The following ZFPM2 variants were observed in gnomAD, a reference collection of about 807,000 sequenced individuals.
The protein encoded by ZFPM2 is zinc finger protein, FOG family member 2, also known as zinc finger protein ZFPM2.
In ZFPM2, 20 loss-of-function variants were observed where a neutral mutation model predicts 98.6. That is an observed-to-expected ratio of 0.20 (90% CI 0.14 to 0.29). The LOEUF is 0.29. Among genes scored for constraint, ZFPM2 ranks in the 10% least tolerant of loss-of-function variants. The pLI is 1.00. For synonymous variants in ZFPM2, 518 were observed against 502.7 expected (o/e 1.03, Z -0.41); for missense variants, 1,310 against 1,388.6 (o/e 0.94, Z 0.90).
intron 4 of ZFPM2, among the ~76,000 whole-genome samples, chr8:105,573,946 C>T (rs374950337): frequency 6.6e-6 from 1 of 152,242 alleles, no homozygotes; most frequent in East Asian, 1.9e-4. Flanking sequence ...TATACCAGCC[C>T]TACAACATAG....
chr8:105,487,946 C>T (rs1586408891), intron 3 of ZFPM2, among the ~76,000 whole-genome samples: 1 of 141,224 alleles, frequency 7.1e-6, no homozygotes, highest in Admixed American at 6.9e-5. Context: ...AGCTAGCTAG[C>T]TAGCTATCTG....
intron 3 of ZFPM2, among the ~76,000 whole-genome samples, chr8:105,554,963 G>T (rs1303894186): frequency 6.6e-6 from 1 of 152,020 alleles, no homozygotes; most frequent in Non-Finnish European, 1.5e-5. Flanking sequence ...ATATTTGAGG[G>T]TGTCTCTGGT....
At chr8:105,581,477 T>TA (rs147543128) in intron 4 of ZFPM2, among the ~76,000 whole-genome samples, 34,106 of 152,058 alleles carry the variant, frequency 0.22, 4,908 homozygotes, top group African/African-American at 0.41. Context: ...TGATAGAGAT[T>TA]AATTTATCAG....
intron 5 of ZFPM2, among the ~76,000 whole-genome samples, chr8:105,761,077 G>A (rs1370827654): frequency 6.6e-6 from 1 of 151,984 alleles, no homozygotes; most frequent in African/African-American, 2.4e-5. Flanking sequence ...ACTTAAAAAT[G>A]TACTAAGCTG....
At chr8:105,552,700 G>A (rs1246327712) in intron 3 of ZFPM2, among the ~76,000 whole-genome samples, 1 of 151,814 alleles carries the variant, frequency 6.6e-6, no homozygotes, top group Non-Finnish European at 1.5e-5. Flanking sequence ...GCAGAATATG[G>A]CAATTTCTTT....
intron 4 of ZFPM2, among the ~76,000 whole-genome samples, chr8:105,615,428 C>T (rs186009941): frequency 1.8e-3 from 268 of 152,152 alleles, no homozygotes; most frequent in Middle Eastern, 6.8e-3. Context: ...TGTGAATTAG[C>T]GACAGTGTTT....
At chr8:105,342,335 A>G (rs972732637) in intron 1 of ZFPM2, among the ~76,000 whole-genome samples, 2 of 152,166 alleles carry the variant, frequency 1.3e-5, no homozygotes, top group South Asian at 2.1e-4. Context: ...AGGTATTGTC[A>G]TATTCTCATA....
intron 1 of ZFPM2, among the ~76,000 whole-genome samples, chr8:105,389,851 G>A (rs939463014): frequency 3.9e-5 from 6 of 152,136 alleles, no homozygotes; most frequent in African/African-American, 1.4e-4. Flanking sequence ...GAAAAAGGAA[G>A]CGCAGTTATT....
chr8:105,544,125 A>C (rs1044420001), intron 3 of ZFPM2, among the ~76,000 whole-genome samples: 3 of 152,172 alleles, frequency 2.0e-5, no homozygotes, highest in Non-Finnish European at 4.4e-5. Flanking sequence ...CAAATTAGTA[A>C]AATGCTGAAA....
chr8:105,434,192 A>AT lies in ZFPM2; in HGVS notation c.200-10075dup, dbSNP rs879458368. ...TCTTTTCAAACAGTTGAAATTCTTAATTTTTTTTTTTTTAGGTATTGCCAT... is the reference window on the plus strand; with the variant it reads ...TCTTTTCAAACAGTTGAAATTCTTAATTTTTTTTTTTTTTAGGTATTGCCAT... On this transcript the variant is annotated intron_variant, in intron 2 of 7. Coordinates refer to ENST00000407775, the MANE Select transcript of ZFPM2 (RefSeq NM_012082.4). 6.7e-3 allele frequency among the ~76,000 whole-genome samples: 977 copies of AT among 145,942 alleles called. 6 individuals carry two copies. Among genetic ancestry groups the AT allele is most frequent in the African/African-American group, 0.021 (854 of 40,046 alleles).
rs750723584 is a variant in ZFPM2 at position 105,802,396 on chromosome 8, T to G, written c.2314T>G (p.Ser772Ala). Residue 772 changes from serine (S) to alanine (A), a missense_variant, in exon 8 of 8, where the codon TCC (serine) becomes GCC (alanine). By Grantham distance (99) the Ser-to-Ala change is moderately conservative (BLOSUM62 1). Coordinates refer to ENST00000407775, the MANE Select transcript of ZFPM2 (RefSeq NM_012082.4). ...AGCCAACCTCAATAATCCTTGTACC[T>G]CCACTCAAGAACCCACAGAAGGGCT... is the stretch of plus-strand genomic sequence containing the variant. ...DVANLNNPCT[S>A]TQEPTEGLGE... The G allele has an allele frequency of 6.2e-7, 1 of 1,613,608 alleles. No individual in the cohort carries two copies. The highest frequency in any genetic ancestry group is 8.5e-7 in the Non-Finnish European group (1 of 1,179,866).
At chr8:105,404,600 G>C (rs917928671) in intron 1 of ZFPM2, among the ~76,000 whole-genome samples, 1 of 152,018 alleles carries the variant, frequency 6.6e-6, no homozygotes, top group African/African-American at 2.4e-5. Flanking sequence ...ATGTTAAATA[G>C]TCAATTAACT....
chr8:105,397,661 A>G (rs1383676547), intron 1 of ZFPM2, among the ~76,000 whole-genome samples: 1 of 152,206 alleles, frequency 6.6e-6, no homozygotes, highest in Non-Finnish European at 1.5e-5. Flanking sequence ...ATATTGTTTC[A>G]TAAGAGTAAA....
At chr8:105,443,329 A>AAAAC (rs1812300620) in intron 2 of ZFPM2, among the ~76,000 whole-genome samples, 2 of 144,896 alleles carry the variant, frequency 1.4e-5, no homozygotes, top group African/African-American at 5.7e-5. Flanking sequence ...CAAAAAACAA[A>AAAAC]AAAAAAAAAA....
At position 105,560,573 on chromosome 8, in the gene ZFPM2, CG is replaced by C. The variant is rs1214488937; in HGVS notation, c.302-789del. On this transcript the variant is annotated intron_variant, in intron 3 of 7. Transcript: ENST00000407775. ...CCCAAACAACATTTAAGCTATTGGC[CG>C]TTTTTTTTTTTTTTGAAATTTTGAG... is the stretch of plus-strand genomic sequence containing the variant. Among the ~76,000 whole-genome samples, 28 of 126,026 alleles carry C rather than the reference CG, an allele frequency of 2.2e-4. No homozygotes were observed. The East Asian group carries it at 3.8e-3, about 17-fold the overall frequency. 82.7% of individuals were successfully genotyped at this position (126,026 alleles called of 152,430 possible).
intron 3 of ZFPM2, among the ~76,000 whole-genome samples, chr8:105,494,725 C>T (rs1264698850): frequency 6.6e-6 from 1 of 152,112 alleles, no homozygotes; most frequent in Non-Finnish European, 1.5e-5. Context: ...GCATGAAGAA[C>T]CAAGCAGTCT....
chr8:105,320,346 C>T lies in ZFPM2; in HGVS notation c.40+1365C>T, dbSNP rs140925486. On this transcript the variant is annotated intron_variant, in intron 1 of 7. Transcript: ENST00000407775. ...CTAGCTTTTATTTCTTCGATTCCTT[C>T]TCTTATACTTCAGTTCTCACTCTAT... 8.3e-4 allele frequency among the ~76,000 whole-genome samples: 126 copies of T among 151,490 alleles called. 1 individual carries two copies. Among genetic ancestry groups the T allele is most frequent in the African/African-American group, 3.0e-3 (123 of 41,328 alleles).
chr8:105,802,220 G>A lies in ZFPM2; in HGVS notation c.2138G>A (p.Arg713His), dbSNP rs1294441553. Residue 713 changes from arginine (R) to histidine (H), a missense_variant, in exon 8 of 8, where the codon CGC becomes CAC. Transcript: ENST00000407775. ...CACAAACAGTATTACTGTGCTACAC[G>A]CCACGACCCTCCACTGAAGAGGTCT... ...MVHKQYYCAT[R>H]HDPPLKRSAS... 5 of 1,613,820 alleles carry A rather than the reference G, an allele frequency of 3.1e-6. No individual in the cohort carries two copies. The highest frequency in any genetic ancestry group is 1.1e-5 in the South Asian group (1 of 91,058).
At chr8:105,348,825 G>A (rs1812587428) in intron 1 of ZFPM2, among the ~76,000 whole-genome samples, 2 of 152,164 alleles carry the variant, frequency 1.3e-5, no homozygotes, top group Admixed American at 6.5e-5. Flanking sequence ...TCATTTATGA[G>A]TTTGAAATCT....
Sources: allele counts gnomAD v4.1 joint callset (sites outside exome capture counted in the v4.1 genomes callset), GRCh38; gene constraint gnomAD v4.1.1; transcripts MANE v1.5; gene names NCBI Gene and HGNC (gene_info 2026-07-23, HGNC 2026-07-21).